NPAS3: variants seen among roughly 807,000 people sequenced by gnomAD.
The protein encoded by NPAS3 is neuronal PAS domain protein 3.
NPAS3 carries 14 observed loss-of-function variants against 73.1 expected under a neutral mutation model. The ratio of observed to expected loss-of-function variants is 0.19; its 90% confidence interval spans 0.13 to 0.30. The LOEUF (loss-of-function observed/expected upper bound fraction) is 0.30. Ranked by LOEUF, NPAS3 falls within the 10% of genes least tolerant of loss-of-function variation. NPAS3 has a pLI of 1.00. For synonymous variants in NPAS3, 620 were observed against 541.5 expected (o/e 1.14, Z -2.01); for missense variants, 1,096 against 1,250.0 (o/e 0.88, Z 1.86).
intron 3 of NPAS3, among the ~76,000 whole-genome samples, chr14:33,305,791 G>C (rs781693288): frequency 5.9e-5 from 9 of 152,126 alleles, no homozygotes; most frequent in Admixed American, 2.0e-4. Context: ...GTGACACACA[G>C]AAATAACCAT....
chr14:33,443,559 A>G (rs2139301782), intron 4 of NPAS3, among the ~76,000 whole-genome samples: 1 of 152,282 alleles, frequency 6.6e-6, no homozygotes, highest in South Asian at 2.1e-4. Context: ...CCCCCTCCAC[A>G]CACGCTAAGG....
chr14:33,026,443 A>G (rs1183334655), intron 1 of NPAS3, among the ~76,000 whole-genome samples: 5 of 152,148 alleles, frequency 3.3e-5, no homozygotes, highest in Non-Finnish European at 7.3e-5. Flanking sequence ...GTAGCTATTC[A>G]GTTAACTTCG....
chr14:32,977,063 C>CACACACACAT (rs1397470256), intron 1 of NPAS3, among the ~76,000 whole-genome samples: 3 of 151,732 alleles, frequency 2.0e-5, no homozygotes, highest in African/African-American at 7.3e-5. Context: ...CACACACACA[C>CACACACACAT]ACACATACAC....
chr14:33,575,594 C>A (rs1480010329), intron 5 of NPAS3, among the ~76,000 whole-genome samples: 1 of 152,152 alleles, frequency 6.6e-6, no homozygotes, highest in Non-Finnish European at 1.5e-5. Context: ...GGTACAATGT[C>A]TAAGGATGAT....
chr14:33,358,450 C>T (rs756355378), intron 3 of NPAS3, among the ~76,000 whole-genome samples: 3 of 152,104 alleles, frequency 2.0e-5, no homozygotes, highest in African/African-American at 4.8e-5. Context: ...TCTGTAGCTA[C>T]GTTAACATGC....
At chr14:33,259,339 C>A (rs2048890804) in intron 3 of NPAS3, among the ~76,000 whole-genome samples, 1 of 152,040 alleles carries the variant, frequency 6.6e-6, no homozygotes, top group African/African-American at 2.4e-5. Flanking sequence ...TCACTGACCA[C>A]CCATTTCTAA....
chr14:33,613,616 G>A (rs1304214290), intron 5 of NPAS3, among the ~76,000 whole-genome samples: 3 of 152,248 alleles, frequency 2.0e-5, no homozygotes, highest in African/African-American at 7.2e-5. Context: ...GGGAATGAAT[G>A]TCCCTGCCTC....
intron 4 of NPAS3, among the ~76,000 whole-genome samples, chr14:33,541,131 GCACA>G (rs367677525): frequency 6.8e-6 from 1 of 147,966 alleles, no homozygotes; most frequent in Non-Finnish European, 1.5e-5. Context: ...GTGTGTGCAT[GCACA>G]CACACACATT....
intron 2 of NPAS3, among the ~76,000 whole-genome samples, chr14:33,183,421 G>GTTTTTTTTTT (rs55643715): frequency 1.6e-5 from 1 of 60,794 alleles, no homozygotes. Context: ...GTGAGACTCT[G>GTTTTTTTTTT]TTTTTTTTTT....
chr14:33,134,035 A>T (rs1170693869), intron 2 of NPAS3, among the ~76,000 whole-genome samples: 1 of 152,180 alleles, frequency 6.6e-6, no homozygotes, highest in East Asian at 1.9e-4. Context: ...CTATAAGAAA[A>T]TGAGGGGATT....
intron 2 of NPAS3, among the ~76,000 whole-genome samples, chr14:33,198,231 T>G (rs1566666332): frequency 6.6e-6 from 1 of 152,166 alleles, no homozygotes; most frequent in Admixed American, 6.5e-5. Context: ...GAACAAAGCT[T>G]CCACAGCATG....
upstream of NPAS3, among the ~76,000 whole-genome samples, chr14:32,938,457 A>AAGAGAGAGAGAGAGAG (rs139406191): frequency 1.0e-3 from 70 of 68,660 alleles, 1 homozygote; most frequent in African/African-American, 4.5e-3. Context: ...CCCAACGAGA[A>AAGAGAGAGAGAGAGAG]AGAGAGAGAG....
intron 4 of NPAS3, among the ~76,000 whole-genome samples, chr14:33,545,580 C>A (rs2054806570): frequency 6.6e-6 from 1 of 152,194 alleles, no homozygotes; most frequent in Admixed American, 6.5e-5. Flanking sequence ...GCATTACAGC[C>A]TGCTGCCTCT....
intron 2 of NPAS3, among the ~76,000 whole-genome samples, chr14:33,161,800 A>G (rs536633729): frequency 4.3e-4 from 66 of 152,340 alleles, no homozygotes; most frequent in African/African-American, 1.4e-3. Flanking sequence ...ACAAATGTTC[A>G]TAAGTACTTT....
chr14:33,455,123 T>C (rs2049969926), intron 4 of NPAS3, among the ~76,000 whole-genome samples: 1 of 152,230 alleles, frequency 6.6e-6, no homozygotes, highest in South Asian at 2.1e-4. Flanking sequence ...AGATGTACCA[T>C]AATATTTGCT....
intron 4 of NPAS3, among the ~76,000 whole-genome samples, chr14:33,405,746 T>A (rs17571683): frequency 0.076 from 11,531 of 152,152 alleles, 518 homozygotes; most frequent in Non-Finnish European, 0.092. Context: ...AACAGGTGAT[T>A]TGGTTTAAAG....
chr14:33,704,367 A>C (rs546293742), intron 6 of NPAS3, among the ~76,000 whole-genome samples: 1 of 152,242 alleles, frequency 6.6e-6, no homozygotes, highest in African/African-American at 2.4e-5. Flanking sequence ...AAAATTTAAC[A>C]TGGGATTAAC....
intron 5 of NPAS3, among the ~76,000 whole-genome samples, chr14:33,623,848 A>G (rs184650392): frequency 3.9e-5 from 6 of 152,320 alleles, no homozygotes; most frequent in Admixed American, 3.3e-4. Context: ...TTACTTGACT[A>G]TCTGTCAATT....
At chr14:33,168,075 C>G (rs1007514775) in intron 2 of NPAS3, among the ~76,000 whole-genome samples, 2 of 152,150 alleles carry the variant, frequency 1.3e-5, no homozygotes, top group African/African-American at 4.8e-5. Context: ...ACTTTCTTGA[C>G]TGATTTCCGG....
Sources: gnomAD v4.1 joint callset for allele counts (sites outside exome capture counted in the v4.1 genomes callset) on GRCh38, gnomAD v4.1.1 for gene constraint, MANE v1.5 for transcripts, NCBI Gene and HGNC (gene_info 2026-07-23, HGNC 2026-07-21) for gene names.